Variants in DLC1 observed in about 807,000 individuals in gnomAD.
The protein encoded by DLC1 is DLC1 Rho GTPase activating protein, also known as rho GTPase-activating protein 7.
A neutral mutation model predicts 140.3 loss-of-function variants in DLC1; 54 were observed. That is an observed-to-expected ratio of 0.38 (90% CI 0.31 to 0.48). The LOEUF (loss-of-function observed/expected upper bound fraction) is 0.48, where lower values mean the gene tolerates loss of function less well. Among genes scored for constraint, DLC1 ranks in the 20% least tolerant of loss-of-function variants. DLC1 has a pLI of 0.96. For missense variants in DLC1, 2,536 were observed against 1,907.0 expected (o/e 1.33, Z -6.14); for synonymous variants, 986 against 728.1 (o/e 1.35, Z -5.70).
chr8:13,299,604 G>T (rs1359724833), intron 5 of DLC1, among the ~76,000 whole-genome samples: 1 of 151,764 alleles, frequency 6.6e-6, no homozygotes, highest in Non-Finnish European at 1.5e-5. Flanking sequence ...AGCTACGAGG[G>T]ATTCTATGGT....
intron 1 of DLC1, among the ~76,000 whole-genome samples, chr8:13,551,502 T>C (rs1803850586): frequency 6.6e-6 from 1 of 152,058 alleles, no homozygotes; most frequent in African/African-American, 2.4e-5. Flanking sequence ...TCTTTCACAA[T>C]AGCATTTTCC....
intron 5 of DLC1, among the ~76,000 whole-genome samples, chr8:13,196,706 G>A (rs557415731): frequency 4.6e-5 from 7 of 152,156 alleles, no homozygotes; most frequent in Non-Finnish European, 5.9e-5. Context: ...ATCCTTCGGG[G>A]CTAAGAGAAC....
At chr8:13,373,630 A>T (rs1835829468) in intron 4 of DLC1, among the ~76,000 whole-genome samples, 1 of 152,366 alleles carries the variant, frequency 6.6e-6, no homozygotes, top group African/African-American at 2.4e-5. Flanking sequence ...TTCTCCAAAA[A>T]TAATTGTATG....
chr8:13,552,371 G>A (rs1281377941), intron 1 of DLC1, among the ~76,000 whole-genome samples: 1 of 150,198 alleles, frequency 6.7e-6, no homozygotes, highest in Non-Finnish European at 1.5e-5. Flanking sequence ...GGATTTGCCA[G>A]TAAATTATTT....
chr8:13,194,891 T>C (rs943905618), intron 5 of DLC1, among the ~76,000 whole-genome samples: 2 of 152,048 alleles, frequency 1.3e-5, no homozygotes, highest in Non-Finnish European at 2.9e-5. Flanking sequence ...GCGCCTGTGG[T>C]AGTAGCTAGC....
At chr8:13,185,392 C>G (rs968624292) in intron 5 of DLC1, among the ~76,000 whole-genome samples, 1 of 151,524 alleles carries the variant, frequency 6.6e-6, no homozygotes, top group Non-Finnish European at 1.5e-5. Flanking sequence ...ACTGAAAGCT[C>G]CATCTCCTGG....
rs1460134050 is a variant in DLC1 at position 13,142,119 on chromosome 8, A to G, written c.1349-26462T>C. 2.0e-5 allele frequency among the ~76,000 whole-genome samples: 3 copies of G among 152,224 alleles called. 1 individual carries two copies. Among genetic ancestry groups the G allele is most frequent in the South Asian group, 4.1e-4 (2 of 4,830 alleles). On this transcript the variant is annotated intron_variant, in intron 5 of 17. Transcript: ENST00000276297. ...CACAGTCGCTCCTGCCGCCTTGTGA[A>G]GAAGTTACTTGCTTCTGCTTCAGCT...
At chr8:13,541,299 T>C (rs1448733274) in intron 1 of DLC1, among the ~76,000 whole-genome samples, 1 of 152,184 alleles carries the variant, frequency 6.6e-6, no homozygotes, top group Non-Finnish European at 1.5e-5. Flanking sequence ...GTGTTTTCTT[T>C]CTCTTAAGTA....
chr8:13,523,633 T>G (rs957924938), intron 1 of DLC1, among the ~76,000 whole-genome samples: 1 of 152,128 alleles, frequency 6.6e-6, no homozygotes, highest in Non-Finnish European at 1.5e-5. Context: ...AATACCTAAT[T>G]GGCTATTAGA....
intron 4 of DLC1, among the ~76,000 whole-genome samples, chr8:13,361,744 C>G (rs1835236730): frequency 6.6e-6 from 1 of 152,146 alleles, no homozygotes; most frequent in Admixed American, 6.5e-5. Context: ...AATGTCCCTT[C>G]TGTTAGGGTA....
intron 17 of DLC1, 70 bp from the exon 18 acceptor site, chr8:13,086,001 A>G: frequency 1.3e-6 from 2 of 1,585,894 alleles, no homozygotes; most frequent in Non-Finnish European, 1.7e-6. Context: ...AATGAGAAAC[A>G]TCTGTTTGCT....
At chr8:13,252,871 A>G (rs572086815) in intron 5 of DLC1, among the ~76,000 whole-genome samples, 13 of 152,240 alleles carry the variant, frequency 8.5e-5, no homozygotes, top group African/African-American at 9.6e-5. Flanking sequence ...CCACATGTCT[A>G]TTAAATTGGC....
chr8:13,245,221 C>T (rs1829712082), intron 5 of DLC1, among the ~76,000 whole-genome samples: 1 of 152,176 alleles, frequency 6.6e-6, no homozygotes, highest in Non-Finnish European at 1.5e-5. Flanking sequence ...GGTGTAGGTG[C>T]TCCGTTGAGG....
intron 4 of DLC1, among the ~76,000 whole-genome samples, chr8:13,344,577 G>A (rs1467701296): frequency 6.6e-6 from 1 of 152,220 alleles, no homozygotes; most frequent in Non-Finnish European, 1.5e-5. Context: ...GGAGTGACAA[G>A]TGGCTTTTGG....
intron 4 of DLC1, among the ~76,000 whole-genome samples, chr8:13,390,303 C>A (rs1428871008): frequency 6.6e-6 from 1 of 152,114 alleles, no homozygotes; most frequent in Non-Finnish European, 1.5e-5. Context: ...GGTCTCATTC[C>A]TTTTTATGGC....
At chr8:13,478,349 G>A (rs1386299808) in intron 2 of DLC1, among the ~76,000 whole-genome samples, 1 of 152,080 alleles carries the variant, frequency 6.6e-6, no homozygotes, top group Non-Finnish European at 1.5e-5. Flanking sequence ...CAAGCCTGAG[G>A]GATCCATTCC....
At chr8:13,113,309 G>A (rs1281111957) in intron 6 of DLC1, among the ~76,000 whole-genome samples, 5 of 152,162 alleles carry the variant, frequency 3.3e-5, no homozygotes, top group East Asian at 1.9e-4. Flanking sequence ...GGTATGGGGT[G>A]TATAGTGTAT....
intron 5 of DLC1, among the ~76,000 whole-genome samples, chr8:13,288,474 T>C (rs963022234): frequency 2.6e-5 from 4 of 152,224 alleles, no homozygotes; most frequent in African/African-American, 9.6e-5. Context: ...GCCTCATGCA[T>C]TTCCCAGTCT....
At chr8:13,392,389 G>T (rs1586263183) in intron 4 of DLC1, among the ~76,000 whole-genome samples, 1 of 152,090 alleles carries the variant, frequency 6.6e-6, no homozygotes, top group Non-Finnish European at 1.5e-5. Context: ...AAATAACACA[G>T]GGAACATAAT....
Sources: gnomAD v4.1 joint callset for allele counts (sites outside exome capture counted in the v4.1 genomes callset) on GRCh38, gnomAD v4.1.1 for gene constraint, MANE v1.5 for transcripts, NCBI Gene and HGNC (gene_info 2026-07-23, HGNC 2026-07-21) for gene names.